PRKCA: variants seen among roughly 807,000 people sequenced by gnomAD.
PRKCA encodes protein kinase C alpha type.
A neutral mutation model predicts 87.0 loss-of-function variants in PRKCA; 27 were observed. The observed-to-expected ratio is 0.31, with a 90% CI of 0.23 to 0.43. The LOEUF (loss-of-function observed/expected upper bound fraction) is 0.43. Ranked by LOEUF, PRKCA falls within the 20% of genes least tolerant of loss-of-function variation. The pLI is 1.00. For synonymous variants in PRKCA, 329 were observed against 311.1 expected (o/e 1.06, Z -0.61); for missense variants, 518 against 852.3 (o/e 0.61, Z 4.88).
chr17:66,728,035 C>G (rs924069924), intron 8 of PRKCA, among the ~76,000 whole-genome samples: 1 of 152,184 alleles, frequency 6.6e-6, no homozygotes, highest in African/African-American at 2.4e-5. Flanking sequence ...CTGAGGTTGC[C>G]GTACCGTGGA....
intron 3 of PRKCA, among the ~76,000 whole-genome samples, chr17:66,527,439 G>C (rs186866410): frequency 9.2e-5 from 14 of 152,294 alleles, no homozygotes; most frequent in Middle Eastern, 3.4e-3. Context: ...TGCTACTTTT[G>C]CCTTTATTAT....
At chr17:66,747,439 G>A (rs952300042) in intron 13 of PRKCA, among the ~76,000 whole-genome samples, 6 of 152,168 alleles carry the variant, frequency 3.9e-5, no homozygotes, top group Admixed American at 2.0e-4. Flanking sequence ...CGGGGGCTAC[G>A]TTAGACCACA....
chr17:66,762,506 A>G (rs1002577534), intron 13 of PRKCA, among the ~76,000 whole-genome samples: 1 of 152,194 alleles, frequency 6.6e-6, no homozygotes, highest in Non-Finnish European at 1.5e-5. Context: ...CTCTCACCTC[A>G]TTCTGCTTCC....
chr17:66,749,865 T>C (rs1045597593), intron 13 of PRKCA, among the ~76,000 whole-genome samples: 1 of 151,832 alleles, frequency 6.6e-6, no homozygotes, highest in African/African-American at 2.4e-5. Context: ...TATGTGACAG[T>C]GCAGAGAAGG....
At position 66,617,683 on chromosome 17, in the gene PRKCA, A is replaced by T. The variant is rs559473037; in HGVS notation, c.289-23672A>T. 2.6e-5 allele frequency among the ~76,000 whole-genome samples: 4 copies of T among 152,324 alleles called. No homozygotes were observed. In the East Asian group the frequency reaches 7.7e-4, roughly 29 times the overall value. ...AGTTTACCTTCACTTTTTGAAAACC[A>T]TATTAAAATTGAGTCAGCACTCCAT... On this transcript the variant is annotated intron_variant, in intron 3 of 16. Coordinates refer to ENST00000413366, the MANE Select transcript of PRKCA (RefSeq NM_002737.3).
chr17:66,712,552 C>T (rs886763510), intron 8 of PRKCA, among the ~76,000 whole-genome samples: 5 of 152,144 alleles, frequency 3.3e-5, no homozygotes, highest in Non-Finnish European at 2.9e-5. Context: ...GCTTTCACCT[C>T]CCTGGGTTCT....
At chr17:66,674,954 A>G (rs1321958216) in intron 5 of PRKCA, among the ~76,000 whole-genome samples, 1 of 152,176 alleles carries the variant, frequency 6.6e-6, no homozygotes, top group Non-Finnish European at 1.5e-5. Context: ...AGTCGTGCCC[A>G]CACCAGTGGC....
chr17:66,690,098 G>GC (rs773742765), intron 8 of PRKCA, among the ~76,000 whole-genome samples: 3 of 152,118 alleles, frequency 2.0e-5, no homozygotes, highest in African/African-American at 4.8e-5. Context: ...CCTCCTTCAT[G>GC]CCCCCCACAA....
At chr17:66,758,068 A>G (rs1974598899) in intron 13 of PRKCA, among the ~76,000 whole-genome samples, 1 of 152,200 alleles carries the variant, frequency 6.6e-6, no homozygotes, top group Non-Finnish European at 1.5e-5. Flanking sequence ...TAGGTCAGAA[A>G]CTTGGATCTC....
At chr17:66,464,197 C>T (rs551405677) in intron 2 of PRKCA, among the ~76,000 whole-genome samples, 2 of 152,058 alleles carry the variant, frequency 1.3e-5, no homozygotes, top group Non-Finnish European at 2.9e-5. Flanking sequence ...TATGTCTTTT[C>T]GTGGCTGGAT....
chr17:66,377,721 A>ATTTTTTTTTTTTTT (rs1229084236), intron 2 of PRKCA, among the ~76,000 whole-genome samples: 1 of 69,150 alleles, frequency 1.4e-5, no homozygotes, highest in Non-Finnish European at 2.5e-5. Flanking sequence ...ATATATATAT[A>ATTTTTTTTTTTTTT]TTTTTTTTTT....
chr17:66,373,362 G>A (rs1236513396), intron 2 of PRKCA, among the ~76,000 whole-genome samples: 1 of 152,144 alleles, frequency 6.6e-6, no homozygotes, highest in African/African-American at 2.4e-5. Context: ...GAGACTTGTG[G>A]CCCAGAGAGG....
chr17:66,574,118 G>C (rs748713435), intron 3 of PRKCA, among the ~76,000 whole-genome samples: 2 of 152,154 alleles, frequency 1.3e-5, no homozygotes, highest in Non-Finnish European at 2.9e-5. Context: ...TGGCCTATAC[G>C]TTGATATGGT....
intron 9 of PRKCA, among the ~76,000 whole-genome samples, chr17:66,733,055 G>T (rs189581724): frequency 4.3e-4 from 65 of 151,710 alleles, no homozygotes; most frequent in African/African-American, 1.5e-3. Context: ...GGAGGCTGAG[G>T]CAGGAGAATG....
intron 3 of PRKCA, among the ~76,000 whole-genome samples, chr17:66,637,950 G>T (rs1428414490): frequency 6.6e-6 from 1 of 152,044 alleles, no homozygotes; most frequent in South Asian, 2.1e-4. Flanking sequence ...TTCCTAAAAG[G>T]ACCCAAATAG....
At chr17:66,655,634 G>A (rs780387153) in intron 5 of PRKCA, among the ~76,000 whole-genome samples, 9 of 152,074 alleles carry the variant, frequency 5.9e-5, no homozygotes, top group Non-Finnish European at 1.0e-4. Flanking sequence ...GTCCTTTGAG[G>A]TCAGAGATAG....
intron 3 of PRKCA, among the ~76,000 whole-genome samples, chr17:66,626,405 A>G (rs2143720935): frequency 6.9e-6 from 1 of 144,940 alleles, no homozygotes; most frequent in South Asian, 2.2e-4. Context: ...TCTGCCACCC[A>G]GGCTGGAGTG....
intron 3 of PRKCA, among the ~76,000 whole-genome samples, chr17:66,523,272 C>T (rs112719856): frequency 0.017 from 2,638 of 152,252 alleles, 39 homozygotes; most frequent in Non-Finnish European, 0.027. Flanking sequence ...AAAATGCATT[C>T]CCCCAGTTCC....
intron 2 of PRKCA, among the ~76,000 whole-genome samples, chr17:66,426,929 TG>T (rs1300478560): frequency 1.3e-5 from 2 of 152,208 alleles, no homozygotes; most frequent in Admixed American, 1.3e-4. Context: ...TAATTAACCC[TG>T]GGGTTTTCCT....
Sources: gnomAD v4.1 joint callset for allele counts (sites outside exome capture counted in the v4.1 genomes callset) on GRCh38, gnomAD v4.1.1 for gene constraint, MANE v1.5 for transcripts, NCBI Gene and HGNC (gene_info 2026-07-23, HGNC 2026-07-21) for gene names.